TNR: variants seen among roughly 807,000 people sequenced by gnomAD.
The protein encoded by TNR is tenascin R.
Under a neutral mutation model 150.4 loss-of-function variants are expected in TNR, and 45 were observed. The observed-to-expected ratio is 0.30, with a 90% CI of 0.24 to 0.38. The LOEUF is 0.38. Ranked by LOEUF, TNR falls within the 10% of genes least tolerant of loss-of-function variation. The pLI is 1.00. For missense variants in TNR, 1,544 were observed against 1,759.1 expected (o/e 0.88, Z 2.19); for synonymous variants, 687 against 678.4 (o/e 1.01, Z -0.20).
intron 2 of TNR, among the ~76,000 whole-genome samples, chr1:175,438,397 C>T (rs1208521091): frequency 6.6e-6 from 1 of 152,142 alleles, no homozygotes; most frequent in African/African-American, 2.4e-5. Flanking sequence ...TAAGAGCTAT[C>T]TACGACAAAC....
chr1:175,677,563 G>T (rs1486155227), intron 1 of TNR, among the ~76,000 whole-genome samples: 1 of 152,180 alleles, frequency 6.6e-6, no homozygotes, highest in East Asian at 1.9e-4. Flanking sequence ...GCCTTTCTCT[G>T]CATTAGAAAA....
chr1:175,436,026 T>A (rs1655493616), intron 2 of TNR, among the ~76,000 whole-genome samples: 1 of 152,248 alleles, frequency 6.6e-6, no homozygotes, highest in Non-Finnish European at 1.5e-5. Flanking sequence ...CTGATGGGCT[T>A]CCCTTTGTGG....
chr1:175,487,875 A>T (rs1374312656), intron 2 of TNR, among the ~76,000 whole-genome samples: 1 of 152,160 alleles, frequency 6.6e-6, no homozygotes, highest in Admixed American at 6.5e-5. Context: ...ACTTATCAGG[A>T]ATTTAATTAT....
chr1:175,517,441 G>C (rs1174805561), intron 2 of TNR, among the ~76,000 whole-genome samples: 1 of 152,096 alleles, frequency 6.6e-6, no homozygotes, highest in Non-Finnish European at 1.5e-5. Flanking sequence ...GATCTCAAAA[G>C]TTTGGTTTGT....
At chr1:175,680,535 A>T (rs137939806) in intron 1 of TNR, among the ~76,000 whole-genome samples, 1 of 152,210 alleles carries the variant, frequency 6.6e-6, no homozygotes, top group African/African-American at 2.4e-5. Flanking sequence ...CCTGTGTGCC[A>T]TCGGAGTAGA....
intron 12 of TNR, among the ~76,000 whole-genome samples, chr1:175,364,407 T>C (rs528340423): frequency 6.6e-6 from 1 of 152,234 alleles, no homozygotes; most frequent in South Asian, 2.1e-4. Flanking sequence ...TGTGAGTTCT[T>C]GTTAGTAAGG....
intron 1 of TNR, among the ~76,000 whole-genome samples, chr1:175,730,122 G>A (rs1042777128): frequency 2.0e-5 from 3 of 151,802 alleles, no homozygotes; most frequent in African/African-American, 4.8e-5. Flanking sequence ...TCTCACTACC[G>A]CCTGCATGAA....
intron 1 of TNR, among the ~76,000 whole-genome samples, chr1:175,721,273 A>C (rs1025628567): frequency 6.6e-6 from 1 of 152,142 alleles, no homozygotes; most frequent in African/African-American, 2.4e-5. Flanking sequence ...GGGTATTTAA[A>C]ATAATCTTAC....
rs770294839 is a variant in TNR at position 175,391,427 on chromosome 1, C to T, written c.1368G>A (p.Gly456=). The change falls in exon 7 of 23, where the codon GGG becomes GGA. Residue 456 remains glycine, a synonymous_variant. Coordinates refer to ENST00000367674, the MANE Select transcript of TNR (RefSeq NM_003285.3). ...CGCTGGGGACCTGAGCAATCACTCCCCCTTCATTGTTCTGGACAGTGGGGA... is the reference window on the plus strand; with the variant it reads ...CGCTGGGGACCTGAGCAATCACTCCTCCTTCATTGTTCTGGACAGTGGGGA... The part of the protein sequence containing the change: ...EISFIPKNNE[G]GVIAQVPSDV... 4 of 1,614,034 alleles carry T rather than the reference C, an allele frequency of 2.5e-6. No homozygotes were observed. Among genetic ancestry groups the T allele is most frequent in the African/African-American group, 1.3e-5 (1 of 75,032 alleles).
At chr1:175,672,366 C>G (rs561876547) in intron 1 of TNR, among the ~76,000 whole-genome samples, 2 of 152,228 alleles carry the variant, frequency 1.3e-5, no homozygotes, top group Admixed American at 6.5e-5. Flanking sequence ...TGACTTTGGC[C>G]CATGAGCTGG....
chr1:175,338,087 G>A (rs1278899963), intron 18 of TNR, among the ~76,000 whole-genome samples: 4 of 152,218 alleles, frequency 2.6e-5, no homozygotes, highest in African/African-American at 9.6e-5. Context: ...GATTACAGAT[G>A]CATGGGCCAA....
At chr1:175,729,785 C>G (rs535198813) in intron 1 of TNR, among the ~76,000 whole-genome samples, 1 of 152,238 alleles carries the variant, frequency 6.6e-6, no homozygotes, top group South Asian at 2.1e-4. Flanking sequence ...ACAAGAAGAG[C>G]ACAGCATCCC....
intron 5 of TNR, among the ~76,000 whole-genome samples, 181 bp downstream of exon 5, chr1:175,396,363 G>A (rs1015337331): frequency 2.0e-5 from 3 of 152,170 alleles, no homozygotes; most frequent in Non-Finnish European, 4.4e-5. Context: ...TCTCTTAATC[G>A]AAAGTGCCTT....
At chr1:175,573,869 G>A (rs1482861090) in intron 1 of TNR, among the ~76,000 whole-genome samples, 1 of 152,194 alleles carries the variant, frequency 6.6e-6, no homozygotes, top group Non-Finnish European at 1.5e-5. Flanking sequence ...TCTCTGAATG[G>A]CAGCCCTTGG....
intron 17 of TNR, 76 bp from the exon 18 acceptor site, chr1:175,354,599 C>T (rs1469000691): frequency 6.3e-7 from 1 of 1,597,120 alleles, no homozygotes; most frequent in Non-Finnish European, 8.5e-7. Flanking sequence ...GAAGGGAAGT[C>T]CAAATCCCAT....
intron 1 of TNR, among the ~76,000 whole-genome samples, chr1:175,650,812 T>C: frequency 1.4e-3 from 1 of 728 alleles, no homozygotes; most frequent in Non-Finnish European, 2.5e-3. Context: ...TTACTACCTG[T>C]CCCCCACCTC....
intron 1 of TNR, among the ~76,000 whole-genome samples, chr1:175,595,999 T>C (rs1662990529): frequency 6.6e-6 from 1 of 152,170 alleles, no homozygotes; most frequent in South Asian, 2.1e-4. Flanking sequence ...CAGAATCCTA[T>C]GGTTCTTCTG....
At chr1:175,707,052 A>G (rs1666863377) in intron 1 of TNR, among the ~76,000 whole-genome samples, 1 of 152,176 alleles carries the variant, frequency 6.6e-6, no homozygotes, top group Admixed American at 6.5e-5. Flanking sequence ...TAGAAATTGG[A>G]GTGATGACTC....
At chr1:175,479,597 C>T (rs927191246) in intron 2 of TNR, among the ~76,000 whole-genome samples, 1 of 152,164 alleles carries the variant, frequency 6.6e-6, no homozygotes, top group Non-Finnish European at 1.5e-5. Context: ...CCTGGCTGAA[C>T]GTGGCAGCCA....
Sources: allele counts gnomAD v4.1 joint callset (sites outside exome capture counted in the v4.1 genomes callset), GRCh38; gene constraint gnomAD v4.1.1; transcripts MANE v1.5; gene names NCBI Gene and HGNC (gene_info 2026-07-23, HGNC 2026-07-21).